Variants in BRD10 observed in about 807,000 individuals in gnomAD.
BRD10 encodes uncharacterized bromodomain-containing protein 10.
At chr9:5,933,262 G>C in the BRD10 span, among the ~76,000 whole-genome samples, 23 of 152,202 alleles carry the variant, frequency 1.5e-4, no homozygotes, top group Admixed American at 5.9e-4. Context: ...TATTTTCATA[G>C]GCAAACAATA....
chr9:5,924,755 T>A, the BRD10 span: 2 of 1,607,274 alleles, frequency 1.2e-6, no homozygotes, highest in Non-Finnish European at 1.7e-6. Context: ...CAAGATCTCC[T>A]TCACCTTCAT....
chr9:6,006,777 T>C, the BRD10 span, among the ~76,000 whole-genome samples: 1 of 152,218 alleles, frequency 6.6e-6, no homozygotes, highest in Non-Finnish European at 1.5e-5. Flanking sequence ...GACACCTTTT[T>C]ACATAAGCCA....
At chr9:5,904,292 T>C in the BRD10 span, among the ~76,000 whole-genome samples, 14 of 152,362 alleles carry the variant, frequency 9.2e-5, no homozygotes, top group South Asian at 4.1e-4. Context: ...ATTTAGACCA[T>C]TGATATTCAA....
At chr9:5,949,487 A>G in the BRD10 span, among the ~76,000 whole-genome samples, 1 of 152,216 alleles carries the variant, frequency 6.6e-6, no homozygotes, top group Non-Finnish European at 1.5e-5. Flanking sequence ...ATGGAGAAGT[A>G]TAGTTTTTTC....
chr9:5,926,905 A>G, the BRD10 span, among the ~76,000 whole-genome samples: 27 of 152,158 alleles, frequency 1.8e-4, no homozygotes, highest in African/African-American at 6.5e-4. Context: ...AATAGTACTT[A>G]CCTCTCAGTA....
chr9:5,934,224 G>C, the BRD10 span, among the ~76,000 whole-genome samples: 2 of 151,856 alleles, frequency 1.3e-5, no homozygotes, highest in African/African-American at 4.8e-5. Context: ...TTTCCTATAT[G>C]CTTTTATTTA....
the BRD10 span, among the ~76,000 whole-genome samples, chr9:5,970,832 T>C: frequency 1.3e-5 from 2 of 151,920 alleles, no homozygotes; most frequent in African/African-American, 2.4e-5. Flanking sequence ...GAGTGGATCA[T>C]CTGAGGTCAG....
chr9:5,906,831 A>G, the BRD10 span: 1 of 1,196,918 alleles, frequency 8.4e-7, no homozygotes, highest in Non-Finnish European at 1.2e-6. Context: ...TCTTTTCTTT[A>G]ATGGATTCAG....
chr9:5,931,255 G>A, the BRD10 span, among the ~76,000 whole-genome samples: 4 of 152,214 alleles, frequency 2.6e-5, no homozygotes, highest in Non-Finnish European at 4.4e-5. Context: ...TGGCACAGAA[G>A]ACCTTACTTA....
chr9:5,974,829 G>A, the BRD10 span, among the ~76,000 whole-genome samples: 1 of 152,108 alleles, frequency 6.6e-6, no homozygotes, highest in African/African-American at 2.4e-5. Flanking sequence ...CATAATTCAC[G>A]GAATATTGGG....
chr9:5,882,265 G>T, the BRD10 span, among the ~76,000 whole-genome samples: 6 of 152,134 alleles, frequency 3.9e-5, no homozygotes, highest in Non-Finnish European at 7.4e-5. Context: ...CAGCAATCTA[G>T]ATTCTTCCTG....
chr9:5,982,511 T>C, the BRD10 span, among the ~76,000 whole-genome samples: 2 of 152,322 alleles, frequency 1.3e-5, no homozygotes, highest in Non-Finnish European at 1.5e-5. Context: ...GGAATGGGGC[T>C]GATGGCTTTA....
At chr9:5,918,535 T>G in the BRD10 span, among the ~76,000 whole-genome samples, 2 of 152,016 alleles carry the variant, frequency 1.3e-5, no homozygotes, top group African/African-American at 4.8e-5. Flanking sequence ...AGCAACATGG[T>G]GAAACCATCT....
the BRD10 span, among the ~76,000 whole-genome samples, chr9:5,940,743 G>A: frequency 3.3e-5 from 5 of 152,148 alleles, no homozygotes; most frequent in East Asian, 9.7e-4. Context: ...TATCATCACA[G>A]GATCAAAGCA....
chr9:5,975,547 A>ATT, the BRD10 span, among the ~76,000 whole-genome samples: 2 of 151,634 alleles, frequency 1.3e-5, no homozygotes, highest in African/African-American at 4.8e-5. Context: ...GACATGAGAG[A>ATT]TATAAAGAAG....
At chr9:6,000,557 G>A in the BRD10 span, among the ~76,000 whole-genome samples, 4 of 152,074 alleles carry the variant, frequency 2.6e-5, no homozygotes, top group Non-Finnish European at 4.4e-5. Context: ...AATATAAGGA[G>A]AAACAAACTA....
the BRD10 span, among the ~76,000 whole-genome samples, chr9:5,897,856 G>T: frequency 6.6e-6 from 1 of 152,192 alleles, no homozygotes; most frequent in South Asian, 2.1e-4. Flanking sequence ...CCAGGAACTT[G>T]CCCTGTGTCT....
At chr9:6,001,445 C>G in the BRD10 span, among the ~76,000 whole-genome samples, 1 of 152,200 alleles carries the variant, frequency 6.6e-6, no homozygotes, top group Non-Finnish European at 1.5e-5. Flanking sequence ...ATATCCTCAT[C>G]ATCCTATACT....
chr9:5,936,714 G>C, the BRD10 span, among the ~76,000 whole-genome samples: 5 of 152,144 alleles, frequency 3.3e-5, no homozygotes, highest in Admixed American at 6.5e-5. Context: ...CTGAATTAAA[G>C]TCTTTCCAAA....
Sources: gnomAD v4.1 joint callset for allele counts (sites outside exome capture counted in the v4.1 genomes callset) on GRCh38, gnomAD v4.1.1 for gene constraint, MANE v1.5 for transcripts, NCBI Gene and HGNC (gene_info 2026-07-23, HGNC 2026-07-21) for gene names.